The following KCNH5 variants were observed in gnomAD, a reference collection of about 807,000 sequenced individuals.
KCNH5 encodes voltage-gated delayed rectifier potassium channel KCNH5.
In KCNH5, 46 loss-of-function variants were observed where a neutral mutation model predicts 96.1. The observed-to-expected ratio is 0.48, with a 90% CI of 0.38 to 0.61. The LOEUF (loss-of-function observed/expected upper bound fraction) is 0.61. Ranked by LOEUF, KCNH5 falls within the 20% of genes least tolerant of loss-of-function variation. The probability of loss-of-function intolerance (pLI) is 0.00; values close to 1 mark genes in which losing one functional copy is unlikely to be tolerated. For missense variants in KCNH5, 907 were observed against 1,225.8 expected (o/e 0.74, Z 3.88); for synonymous variants, 439 against 449.8 (o/e 0.98, Z 0.30).
At chr14:62,776,312 T>C (rs1419219084) in intron 10 of KCNH5, among the ~76,000 whole-genome samples, 1 of 152,100 alleles carries the variant, frequency 6.6e-6, no homozygotes. Flanking sequence ...GGTGCCCTTA[T>C]AAGACACCAA....
chr14:62,795,041 G>C (rs1886511113), intron 9 of KCNH5, among the ~76,000 whole-genome samples: 1 of 152,144 alleles, frequency 6.6e-6, no homozygotes, highest in Non-Finnish European at 1.5e-5. Context: ...TGTGTGGTCT[G>C]AGATACTTAA....
chr14:63,023,800 G>A (rs1212370492), intron 1 of KCNH5, among the ~76,000 whole-genome samples: 1 of 151,520 alleles, frequency 6.6e-6, no homozygotes, highest in Admixed American at 6.6e-5. Context: ...AAGTTATAAA[G>A]CTACAAATTA....
intron 6 of KCNH5, among the ~76,000 whole-genome samples, chr14:62,979,725 G>T: frequency 6.6e-6 from 1 of 152,122 alleles, no homozygotes; most frequent in East Asian, 1.9e-4. Context: ...ATTACTGGTT[G>T]TATCCTATTA....
At chr14:62,762,638 A>C (rs1358747887) in intron 10 of KCNH5, among the ~76,000 whole-genome samples, 1 of 152,096 alleles carries the variant, frequency 6.6e-6, no homozygotes, top group Non-Finnish European at 1.5e-5. Flanking sequence ...CAAGAGACCC[A>C]TTTCACATGC....
intron 6 of KCNH5, among the ~76,000 whole-genome samples, chr14:62,961,867 G>T (rs890057579): frequency 6.6e-6 from 1 of 151,930 alleles, no homozygotes; most frequent in South Asian, 2.1e-4. Context: ...TGCAGATGCA[G>T]ATGCAAATGC....
At chr14:62,882,100 TAAAAAAAAAAAAA>T (rs143123435) in intron 7 of KCNH5, among the ~76,000 whole-genome samples, 1 of 76,672 alleles carries the variant, frequency 1.3e-5, no homozygotes, top group Non-Finnish European at 2.3e-5. Context: ...CCCCATTTCT[TAAAAAAAAAAAAA>T]AAAAAAAAAA....
intron 4 of KCNH5, among the ~76,000 whole-genome samples, chr14:62,995,280 A>C (rs2139584179): frequency 6.6e-6 from 1 of 152,218 alleles, no homozygotes; most frequent in South Asian, 2.1e-4. Flanking sequence ...GAAGGTAAAA[A>C]GTCCTTGCTC....
intron 1 of KCNH5, among the ~76,000 whole-genome samples, chr14:63,019,690 C>T (rs1256104997): frequency 6.6e-6 from 1 of 151,842 alleles, no homozygotes. Flanking sequence ...TGAAGTGGGT[C>T]ATAGATGTAA....
At chr14:62,894,612 G>A (rs1358321380) in intron 7 of KCNH5, among the ~76,000 whole-genome samples, 1 of 152,044 alleles carries the variant, frequency 6.6e-6, no homozygotes, top group Admixed American at 6.5e-5. Context: ...TGGAAGCTGA[G>A]GTCAGTTGTC....
intron 9 of KCNH5, among the ~76,000 whole-genome samples, chr14:62,790,243 T>C (rs1886405507): frequency 6.6e-6 from 1 of 151,910 alleles, no homozygotes; most frequent in Admixed American, 6.6e-5. Context: ...GGCTCTCTGT[T>C]CTGTTCTACT....
chr14:62,939,402 G>T (rs1435317184), intron 7 of KCNH5, among the ~76,000 whole-genome samples: 2 of 152,092 alleles, frequency 1.3e-5, no homozygotes, highest in Non-Finnish European at 2.9e-5. Flanking sequence ...AGATCTCTCT[G>T]TGCCTCATAG....
intron 4 of KCNH5, among the ~76,000 whole-genome samples, chr14:62,997,443 T>C (rs982878306): frequency 2.0e-5 from 3 of 152,192 alleles, no homozygotes; most frequent in South Asian, 4.1e-4. Flanking sequence ...CAGCAAGTGC[T>C]TTCTCTCTGC....
At chr14:62,820,210 T>C (rs564180765) in intron 8 of KCNH5, among the ~76,000 whole-genome samples, 2 of 152,296 alleles carry the variant, frequency 1.3e-5, no homozygotes, top group South Asian at 4.1e-4. Context: ...TTGGTTTACA[T>C]AGGCCAAAGC....
intron 6 of KCNH5, among the ~76,000 whole-genome samples, chr14:62,973,452 G>A (rs1890446657): frequency 6.6e-6 from 1 of 152,110 alleles, no homozygotes; most frequent in Non-Finnish European, 1.5e-5. Flanking sequence ...CTCATGCATG[G>A]ATTAATGCTG....
In KCNH5 at chr14:62,799,722, T is replaced by TAC. The variant is rs1377411964; in HGVS notation, c.1822+2606_1822+2607insGT. Among the ~76,000 whole-genome samples the TAC allele has an allele frequency of 6.9e-3, 754 of 109,738 alleles. 11 individuals are homozygous for TAC. The highest frequency in any genetic ancestry group is 0.025 in the African/African-American group (715 of 28,436). The allele number at this position is 109,738 out of a possible 152,430, so 72.0% of individuals were successfully genotyped here. ...ATATATATATATATATATATATATA[T>TAC]ATATACACACACACACACACACATA... On this transcript the variant is annotated intron_variant, in intron 9 of 10. Transcript: ENST00000322893.
intron 7 of KCNH5, among the ~76,000 whole-genome samples, chr14:62,892,867 A>C (rs1402633621): frequency 6.6e-6 from 1 of 151,500 alleles, no homozygotes; most frequent in Non-Finnish European, 1.5e-5. Flanking sequence ...CCCCCCAAAA[A>C]TTTTTTTTTC....
chr14:62,820,150 G>A (rs1887085512), intron 8 of KCNH5, among the ~76,000 whole-genome samples: 1 of 152,124 alleles, frequency 6.6e-6, no homozygotes, highest in Non-Finnish European at 1.5e-5. Context: ...GAAAATATAG[G>A]CAGCAGCTCT....
At chr14:62,742,847 A>C (rs1200877910) in intron 10 of KCNH5, among the ~76,000 whole-genome samples, 3 of 152,166 alleles carry the variant, frequency 2.0e-5, no homozygotes, top group Non-Finnish European at 4.4e-5. Flanking sequence ...AAGCTTATTC[A>C]AGTTGCAGGT....
In KCNH5 at chr14:62,875,050, GACAA is replaced by G. The variant is rs1365482924; in HGVS notation, c.1370-25202_1370-25199del. Among the ~76,000 whole-genome samples the G allele has an allele frequency of 4.1e-5, 5 of 123,222 alleles. No homozygotes were observed. In the South Asian group the frequency reaches 9.2e-4, roughly 23 times the overall value. 80.8% of individuals were successfully genotyped at this position (123,222 alleles called of 152,430 possible). On this transcript the variant is annotated intron_variant, in intron 7 of 10. Transcript: ENST00000322893. ...CAAGCATTCTTATACACCAACAACA[GACAA>G]ACAGAGAGCCAAATCATGAGTGAAC... is the stretch of plus-strand genomic sequence containing the variant.
Sources: allele counts gnomAD v4.1 joint callset (sites outside exome capture counted in the v4.1 genomes callset), GRCh38; gene constraint gnomAD v4.1.1; transcripts MANE v1.5; gene names NCBI Gene and HGNC (gene_info 2026-07-23, HGNC 2026-07-21).